ROR1: variants seen among roughly 807,000 people sequenced by gnomAD.
ROR1 encodes the protein inactive tyrosine-protein kinase transmembrane receptor ROR1.
A neutral mutation model predicts 78.8 loss-of-function variants in ROR1; 19 were observed. The observed-to-expected ratio is 0.24, with a 90% CI of 0.17 to 0.35. ROR1 has a LOEUF of 0.35. ROR1 is among the 10% of genes least tolerant of loss of function. ROR1 has a pLI of 1.00. For synonymous variants in ROR1, 386 were observed against 433.6 expected, an observed-to-expected ratio of 0.89 and a Z score of 1.36; for missense variants, 917 against 1,177.8, an observed-to-expected ratio of 0.78 and a Z score of 3.24.
chr1:63,875,928 GATTT>G (rs1645281998), intron 1 of ROR1, among the ~76,000 whole-genome samples: 1 of 152,158 alleles, frequency 6.6e-6, no homozygotes, highest in Non-Finnish European at 1.5e-5. Context: ...GGCACTCTGG[GATTT>G]ATTTTTGTGT....
chr1:63,936,055 G>A (rs1645791888), intron 1 of ROR1, among the ~76,000 whole-genome samples: 1 of 152,192 alleles, frequency 6.6e-6, no homozygotes, highest in African/African-American at 2.4e-5. Flanking sequence ...GTCCATTTAA[G>A]TACACACTGG....
intron 1 of ROR1, chr1:63,789,358 C>T (rs1644711664): frequency 2.6e-6 from 1 of 390,484 alleles, no homozygotes; most frequent in Non-Finnish European, 4.8e-6. Context: ...TTGATTCCTC[C>T]CATTAAGTGG....
intron 1 of ROR1, among the ~76,000 whole-genome samples, chr1:63,926,230 T>C (rs1645702493): frequency 1.3e-5 from 2 of 149,578 alleles, no homozygotes; most frequent in South Asian, 2.2e-4. Flanking sequence ...GCTTTCTACA[T>C]ATGGCTAGCC....
chr1:63,822,807 C>A (rs1377777773), intron 1 of ROR1, among the ~76,000 whole-genome samples: 1 of 152,048 alleles, frequency 6.6e-6, no homozygotes, highest in Non-Finnish European at 1.5e-5. Flanking sequence ...TTAGTATAAA[C>A]AATGCTATGA....
chr1:63,802,681 A>T (rs1644804031), intron 1 of ROR1, among the ~76,000 whole-genome samples: 1 of 152,178 alleles, frequency 6.6e-6, no homozygotes, highest in South Asian at 2.1e-4. Flanking sequence ...TTTTATTTAG[A>T]TATTTATAAT....
chr1:64,156,307 C>T (rs1429097499), intron 7 of ROR1, among the ~76,000 whole-genome samples: 3 of 152,234 alleles, frequency 2.0e-5, no homozygotes, highest in Non-Finnish European at 4.4e-5. Context: ...GGCAGACCGT[C>T]TTCTACTCAG....
At chr1:63,946,720 C>T (rs902161968) in intron 1 of ROR1, among the ~76,000 whole-genome samples, 2 of 152,152 alleles carry the variant, frequency 1.3e-5, no homozygotes, top group East Asian at 1.9e-4. Flanking sequence ...AAATCATGGC[C>T]TCTTTCTTCT....
At chr1:63,978,473 T>A (rs1646179964) in intron 1 of ROR1, among the ~76,000 whole-genome samples, 1 of 152,256 alleles carries the variant, frequency 6.6e-6, no homozygotes, top group Non-Finnish European at 1.5e-5. Flanking sequence ...AAATTCAGTA[T>A]GGGCTGGGAT....
intron 4 of ROR1, among the ~76,000 whole-genome samples, chr1:64,083,772 C>T (rs977864044): frequency 6.6e-6 from 1 of 152,036 alleles, no homozygotes; most frequent in African/African-American, 2.4e-5. Flanking sequence ...GAGTGAAGAA[C>T]CTCACGCTTA....
intron 1 of ROR1, among the ~76,000 whole-genome samples, chr1:63,812,847 G>A (rs926608685): frequency 6.6e-6 from 1 of 152,140 alleles, no homozygotes; most frequent in African/African-American, 2.4e-5. Context: ...CTAGTTTATA[G>A]ATGACAGAGC....
chr1:64,101,643 G>GA lies in ROR1; in HGVS notation c.483-35724dup, dbSNP rs1286933764. Among the ~76,000 whole-genome samples the GA allele has an allele frequency of 3.4e-4, 52 of 151,376 alleles. 1 individual carries two copies. The Admixed American group carries it at 3.5e-3, about 10-fold the overall frequency. ...TTGTGGAGCTTACATTCTTGAGGGG[G>GA]AACCCAAGGATGCTTAAGAAGAGAC... On this transcript the variant is annotated intron_variant, in intron 4 of 8. Transcript: ENST00000371079.
chr1:64,108,966 G>A (rs897323994), intron 4 of ROR1, among the ~76,000 whole-genome samples: 4 of 152,114 alleles, frequency 2.6e-5, no homozygotes, highest in African/African-American at 7.2e-5. Context: ...TTTATTTAAA[G>A]GGCCACAGGT....
chr1:63,819,588 G>T (rs1270025405), intron 1 of ROR1, among the ~76,000 whole-genome samples: 1 of 152,144 alleles, frequency 6.6e-6, no homozygotes, highest in Non-Finnish European at 1.5e-5. Flanking sequence ...AGAGGATGCT[G>T]CTGAAAACTG....
intron 8 of ROR1, among the ~76,000 whole-genome samples, chr1:64,175,798 A>G (rs1002379844): frequency 6.6e-6 from 1 of 152,224 alleles, no homozygotes; most frequent in Non-Finnish European, 1.5e-5. Flanking sequence ...TCTAATCATC[A>G]TGAATTCTAA....
intron 1 of ROR1, among the ~76,000 whole-genome samples, chr1:63,855,692 A>C (rs1396915223): frequency 6.7e-6 from 1 of 150,036 alleles, no homozygotes; most frequent in Non-Finnish European, 1.5e-5. Context: ...CTCTGTTGTC[A>C]GGCTGGAGTG....
chr1:63,932,427 C>A (rs992538735), intron 1 of ROR1, among the ~76,000 whole-genome samples: 6 of 152,088 alleles, frequency 3.9e-5, no homozygotes, highest in African/African-American at 1.4e-4. Context: ...CTTCCTTCAG[C>A]CCATCTTCTG....
At chr1:63,969,718 T>A (rs1369966042) in intron 1 of ROR1, among the ~76,000 whole-genome samples, 2 of 152,128 alleles carry the variant, frequency 1.3e-5, no homozygotes, top group Non-Finnish European at 2.9e-5. Context: ...CCCCCTCCCG[T>A]GTTGATCTCA....
At chr1:63,875,831 G>C (rs1285389267) in intron 1 of ROR1, among the ~76,000 whole-genome samples, 1 of 152,118 alleles carries the variant, frequency 6.6e-6, no homozygotes. Context: ...ACAAAGTCTG[G>C]TAGCTACATT....
chr1:63,843,733 A>G, intron 1 of ROR1: 1 of 438,034 alleles, frequency 2.3e-6, no homozygotes, highest in Non-Finnish European at 4.5e-6. Context: ...GCAGAAGACA[A>G]GAGCACTGCA....
Sources: gnomAD v4.1 joint callset for allele counts (sites outside exome capture counted in the v4.1 genomes callset) on GRCh38, gnomAD v4.1.1 for gene constraint, MANE v1.5 for transcripts, NCBI Gene and HGNC (gene_info 2026-07-23, HGNC 2026-07-21) for gene names.